The following RNF220 variants were observed in gnomAD, a reference collection of about 807,000 sequenced individuals.
RNF220 encodes E3 ubiquitin-protein ligase RNF220.
Under a neutral mutation model 67.1 loss-of-function variants are expected in RNF220, and 7 were observed. The ratio of observed to expected loss-of-function variants is 0.10; its 90% CI spans 0.06 to 0.20. The LOEUF (loss-of-function observed/expected upper bound fraction) is 0.20, where lower values mean the gene tolerates loss of function less well. Ranked by LOEUF, RNF220 falls within the 10% of genes least tolerant of loss-of-function variation. RNF220 has a pLI of 1.00. For synonymous variants in RNF220, 270 were observed against 283.2 expected, an observed-to-expected ratio of 0.95 and a Z score of 0.47; for missense variants, 565 against 740.3, an observed-to-expected ratio of 0.76 and a Z score of 2.75.
chr1:44,580,171 CA>C (rs1665165611), intron 2 of RNF220, among the ~76,000 whole-genome samples: 1 of 151,324 alleles, frequency 6.6e-6, no homozygotes, highest in Non-Finnish European at 1.5e-5. Context: ...AACTGAATCT[CA>C]AAAAGATGAA....
chr1:44,547,019 C>A (rs902264345), intron 2 of RNF220, among the ~76,000 whole-genome samples: 1 of 152,144 alleles, frequency 6.6e-6, no homozygotes, highest in Non-Finnish European at 1.5e-5. Flanking sequence ...AGAAGAAAAC[C>A]AAGGTGTTCA....
chr1:44,546,419 C>A (rs1269102378), intron 2 of RNF220, among the ~76,000 whole-genome samples: 1 of 152,172 alleles, frequency 6.6e-6, no homozygotes, highest in African/African-American at 2.4e-5. Flanking sequence ...GAAGTCCCTT[C>A]CCCCAGCCCC....
chr1:44,640,511 G>A (rs1357045395), intron 8 of RNF220, among the ~76,000 whole-genome samples: 1 of 152,260 alleles, frequency 6.6e-6, no homozygotes, highest in Non-Finnish European at 1.5e-5. Flanking sequence ...TAGGACAGAG[G>A]GAGTGCAGGC....
At chr1:44,529,786 T>C (rs1660690786) in intron 2 of RNF220, among the ~76,000 whole-genome samples, 1 of 152,042 alleles carries the variant, frequency 6.6e-6, no homozygotes, top group African/African-American at 2.4e-5. Context: ...AGGCTGGTAA[T>C]AGTGCTATAA....
At chr1:44,470,542 T>A (rs1654712101) in intron 2 of RNF220, among the ~76,000 whole-genome samples, 1 of 152,210 alleles carries the variant, frequency 6.6e-6, no homozygotes, top group Admixed American at 6.5e-5. Context: ...GTCTTCTCGC[T>A]TCTGTCATTG....
chr1:44,618,691 G>A (rs1292025054), intron 3 of RNF220, among the ~76,000 whole-genome samples: 1 of 152,172 alleles, frequency 6.6e-6, no homozygotes, highest in African/African-American at 2.4e-5. Context: ...TGGTCAGAGA[G>A]AGACAAGTGG....
chr1:44,635,613 C>T (rs753145567), intron 7 of RNF220, 25 bp downstream of exon 7: 2 of 1,614,194 alleles, frequency 1.2e-6, no homozygotes, highest in African/African-American at 2.7e-5. Context: ...CAACCGCCCC[C>T]TGGCAGGATC....
chr1:44,627,420 C>T (rs1290752463), intron 5 of RNF220, among the ~76,000 whole-genome samples: 1 of 149,600 alleles, frequency 6.7e-6, no homozygotes, highest in Non-Finnish European at 1.5e-5. Context: ...ACCTTGGTAT[C>T]AGGCCCAGAT....
intron 2 of RNF220, among the ~76,000 whole-genome samples, chr1:44,608,786 G>A (rs1381515646): frequency 6.6e-6 from 1 of 152,242 alleles, no homozygotes; most frequent in South Asian, 2.1e-4. Context: ...GGCCAGAGGA[G>A]CTAGGGCCAG....
At chr1:44,418,902 T>A (rs1264468137) in intron 2 of RNF220, among the ~76,000 whole-genome samples, 1 of 152,202 alleles carries the variant, frequency 6.6e-6, no homozygotes, top group Non-Finnish European at 1.5e-5. Context: ...TAGTTTTTCT[T>A]ATTTTTAACT....
Position 44,651,167 on chromosome 1 carries a change from A to G in RNF220, c.*392A>G, listed in dbSNP as rs1424791842. On this transcript the variant is annotated 3_prime_UTR_variant, in exon 15 of 15. Coordinates refer to ENST00000361799, the MANE Select transcript of RNF220 (RefSeq NM_018150.4). ...GTAATATAGACCGTGTATGTTTACA[A>G]TGTTGTGTATAAATGGGACAACTCC... 3.2e-5 allele frequency: 8 copies of G among 252,044 alleles called. No individual in the cohort carries two copies. Among genetic ancestry groups the G allele is most frequent in the Middle Eastern group, 1.4e-3 (1 of 698 alleles). The allele number at this position is 252,044 out of a possible 1,614,324, so 15.6% of individuals were successfully genotyped here.
rs1438634601 is a variant in RNF220, at chr1:44,626,343, C to T, written c.851C>T (p.Thr284Met). The change falls in exon 5 of 15, where the codon ACG (threonine) becomes ATG (methionine). Residue 284 changes from threonine to methionine, a missense_variant. Physicochemically the swap from Thr to Met is moderately conservative, Grantham distance 81 (BLOSUM62 -1). Coordinates refer to ENST00000361799, the MANE Select transcript of RNF220 (RefSeq NM_018150.4). ...ASIKREGESP[T>M]ASPHSSATDD... is the part of the protein sequence containing the mutation. ...ATCAAGAGGGAAGGAGAGTCTCCAA[C>T]GGCATCACCCCACTCATCTGCCACC... 9.3e-6 allele frequency: 15 copies of T among 1,614,030 alleles called. No homozygotes were observed. The highest frequency in any genetic ancestry group is 6.7e-5 in the East Asian group (3 of 44,894).
rs772887034 is a variant in RNF220 at position 44,621,893 on chromosome 1, T to C, written c.759-849T>C. Among the ~76,000 whole-genome samples, 1 of 138,430 alleles carries C rather than the reference T, an allele frequency of 7.2e-6. No homozygotes were observed. The highest frequency in any genetic ancestry group is 1.7e-5 in the Non-Finnish European group (1 of 59,006). 90.8% of individuals were successfully genotyped at this position (138,430 alleles called of 152,430 possible). On this transcript the variant is annotated intron_variant, in intron 3 of 14. Coordinates refer to ENST00000361799, the MANE Select transcript of RNF220 (RefSeq NM_018150.4). This position sits in a 1 kb window ranked among gnomAD's most constrained non-coding sequence, Gnocchi z 4.8. ...TCATCAGCCAGCACTTCTGTGAGCA[T>C]GTGTGTGTGTGTGTGAGTGCACGCG...
intron 2 of RNF220, among the ~76,000 whole-genome samples, chr1:44,526,110 T>TTTGAGGTAGG (rs1163612569): frequency 2.0e-5 from 3 of 152,230 alleles, no homozygotes; most frequent in African/African-American, 7.2e-5. Flanking sequence ...CTGTCCCACC[T>TTTGAGGTAGG]GTTTGCCTAC....
chr1:44,445,819 ATAT>A (rs1168929048), intron 2 of RNF220, among the ~76,000 whole-genome samples: 1 of 152,148 alleles, frequency 6.6e-6, no homozygotes, highest in African/African-American at 2.4e-5. Flanking sequence ...CTCTTCCATC[ATAT>A]TATACATGAG....
chr1:44,597,527 C>A (rs971972096), intron 2 of RNF220, among the ~76,000 whole-genome samples: 1 of 151,336 alleles, frequency 6.6e-6, no homozygotes, highest in South Asian at 2.1e-4. Flanking sequence ...TCCCTCACCT[C>A]CCTCTCTCAC....
chr1:44,460,306 G>T (rs1653638079), intron 2 of RNF220, among the ~76,000 whole-genome samples: 2 of 152,172 alleles, frequency 1.3e-5, no homozygotes, highest in South Asian at 4.1e-4. Context: ...GCGCCTGGAA[G>T]CCTGGGGTTC....
At chr1:44,499,751 C>T (rs1218362425) in intron 2 of RNF220, among the ~76,000 whole-genome samples, 1 of 145,984 alleles carries the variant, frequency 6.9e-6, no homozygotes, top group Non-Finnish European at 1.5e-5. Flanking sequence ...CCACTGCTTA[C>T]TGGACATCTC....
At position 44,631,917 on chromosome 1, in the gene RNF220, C is replaced by T. The variant is rs115027833; in HGVS notation, c.907-426C>T. On this transcript the variant is annotated intron_variant, in intron 5 of 14. Transcript: ENST00000361799. ...CTGGTCTCTGTCCGGCCGCCCCCGC[C>T]GCATTGTGAACTTTCACCCCCAGCG... 4.7e-3 allele frequency: 4,640 copies of T among 987,306 alleles called. 156 individuals are homozygous for T. The African/African-American group carries it at 0.073, about 16-fold the overall frequency. The allele number at this position is 987,306 out of a possible 1,614,324, so 61.2% of individuals were successfully genotyped here. A position where few individuals can be genotyped will look rare whatever the true frequency, so the allele number is the denominator to read the frequency against.
Sources: allele counts gnomAD v4.1 joint callset (sites outside exome capture counted in the v4.1 genomes callset), GRCh38; gene constraint gnomAD v4.1.1; non-coding constraint Gnocchi (gnomAD v3.1); transcripts MANE v1.5; gene names NCBI Gene and HGNC (gene_info 2026-07-23, HGNC 2026-07-21).